Variants in PRDM5 observed in about 807,000 individuals in gnomAD.
The protein encoded by PRDM5 is PR domain zinc finger protein 5.
PRDM5 carries 56 observed loss-of-function variants against 81.2 expected under a neutral mutation model. That is an observed-to-expected ratio of 0.69 (90% CI 0.56 to 0.86). PRDM5 has a LOEUF of 0.86. Ranked by LOEUF, PRDM5 falls within the 40% of genes least tolerant of loss-of-function variation. The pLI is 0.00. For synonymous variants in PRDM5, 267 were observed against 256.4 expected, an observed-to-expected ratio of 1.04 and a Z score of -0.39; for missense variants, 697 against 770.1, an observed-to-expected ratio of 0.91 and a Z score of 1.12.
downstream of PRDM5, among the ~76,000 whole-genome samples, chr4:120,689,339 A>G (rs1003751074): frequency 3.9e-5 from 6 of 152,128 alleles, no homozygotes; most frequent in Middle Eastern, 3.2e-3. Flanking sequence ...ACAACATAAG[A>G]GATGGATTTT....
At chr4:120,829,349 TA>T (rs1756428382) in intron 3 of PRDM5, among the ~76,000 whole-genome samples, 5 of 152,042 alleles carry the variant, frequency 3.3e-5, no homozygotes, top group Admixed American at 3.3e-4. Flanking sequence ...ATCTAGGCAA[TA>T]AATCTAATTT....
intron 15 of PRDM5, among the ~76,000 whole-genome samples, chr4:120,705,877 C>A (rs2149013775): frequency 6.6e-6 from 1 of 152,236 alleles, no homozygotes; most frequent in Admixed American, 6.5e-5. Context: ...AACGTTCAGA[C>A]TCTGAACTTA....
At chr4:120,874,740 T>G (rs909354666) in intron 2 of PRDM5, among the ~76,000 whole-genome samples, 1 of 152,008 alleles carries the variant, frequency 6.6e-6, no homozygotes, top group South Asian at 2.1e-4. Context: ...GAAGAAGAAA[T>G]TGAGTTTCTT....
chr4:120,817,825 C>T (rs1266666856), intron 5 of PRDM5, among the ~76,000 whole-genome samples: 2 of 152,172 alleles, frequency 1.3e-5, no homozygotes, highest in African/African-American at 4.8e-5. Flanking sequence ...GTGGGATCAT[C>T]TAATTAATCA....
chr4:120,856,634 C>A (rs960652150), intron 2 of PRDM5, among the ~76,000 whole-genome samples: 1 of 152,166 alleles, frequency 6.6e-6, no homozygotes, highest in Non-Finnish European at 1.5e-5. Flanking sequence ...GTAATCTAAT[C>A]CATCATTCCT....
At chr4:120,877,800 G>A (rs573134644) in intron 2 of PRDM5, among the ~76,000 whole-genome samples, 5 of 152,214 alleles carry the variant, frequency 3.3e-5, no homozygotes, top group East Asian at 1.9e-4. Context: ...GCAAGACTCC[G>A]TCTCAAAAAT....
intron 9 of PRDM5, among the ~76,000 whole-genome samples, chr4:120,799,202 A>C (rs1180492857): frequency 6.6e-6 from 1 of 152,222 alleles, no homozygotes; most frequent in Admixed American, 6.5e-5. Context: ...AAATGTATTT[A>C]TAGATTTCTT....
chr4:120,862,795 T>C (rs139977803), intron 2 of PRDM5, among the ~76,000 whole-genome samples: 41 of 152,266 alleles, frequency 2.7e-4, no homozygotes, highest in African/African-American at 9.9e-4. Context: ...ATCTTGGGCA[T>C]TGAATGTTTA....
In PRDM5 at chr4:120,870,745, G is replaced by A. The variant is rs548800759; in HGVS notation, c.178-17205C>T. ...TGCAGTGGGTCAGACCTTGGGCTCC[G>A]TGTGACATTTGGTGGCAGTGTGGAG... On this transcript the variant is annotated intron_variant, in intron 2 of 15. Transcript: ENST00000264808. Among the ~76,000 whole-genome samples the A allele has an allele frequency of 3.3e-4, 51 of 152,312 alleles. 1 individual carries two copies. Among genetic ancestry groups the A allele is most frequent in the South Asian group, 8.3e-4 (4 of 4,820 alleles).
At chr4:120,804,042 G>T (rs1752533250) in intron 8 of PRDM5, among the ~76,000 whole-genome samples, 1 of 152,088 alleles carries the variant, frequency 6.6e-6, no homozygotes, top group Non-Finnish European at 1.5e-5. Flanking sequence ...AAAAGGCAGG[G>T]TTGCAATCCT....
At chr4:120,871,732 C>T (rs1459695269) in intron 2 of PRDM5, among the ~76,000 whole-genome samples, 3 of 150,034 alleles carry the variant, frequency 2.0e-5, no homozygotes, top group African/African-American at 4.9e-5. Flanking sequence ...AAAATATTAT[C>T]GATCCTTCAA....
At chr4:120,697,963 T>TAA (rs5861482) in intron 15 of PRDM5, among the ~76,000 whole-genome samples, 38 of 117,776 alleles carry the variant, frequency 3.2e-4, no homozygotes, top group African/African-American at 6.8e-4. Flanking sequence ...TAAAATAAAA[T>TAA]AAAAAAAAAG....
At chr4:120,838,122 G>A (rs886431464) in intron 3 of PRDM5, 2 of 152,156 alleles carry the variant, frequency 1.3e-5, no homozygotes, top group Non-Finnish European at 2.9e-5. Flanking sequence ...AAAGCTCCAT[G>A]TGAAAGGAAA....
intron 2 of PRDM5, among the ~76,000 whole-genome samples, chr4:120,888,941 G>C (rs965121691): frequency 4.4e-4 from 67 of 151,448 alleles, no homozygotes; most frequent in Non-Finnish European, 1.2e-4. Context: ...TTTTTAAATT[G>C]ATTTTTATAG....
intron 2 of PRDM5, among the ~76,000 whole-genome samples, chr4:120,893,597 T>C (rs962806744): frequency 2.1e-4 from 32 of 152,260 alleles, no homozygotes; most frequent in Middle Eastern, 3.2e-3. Flanking sequence ...TTAGGTCTTT[T>C]GTATTAATTG....
chr4:120,911,294 T>C (rs56339840), intron 1 of PRDM5, among the ~76,000 whole-genome samples: 12,742 of 152,194 alleles, frequency 0.084, 556 homozygotes, highest in East Asian at 0.15. Flanking sequence ...ATCACTGATT[T>C]TTTACACTGT....
chr4:120,720,159 G>T (rs925490592), intron 14 of PRDM5, among the ~76,000 whole-genome samples: 1 of 152,104 alleles, frequency 6.6e-6, no homozygotes, highest in Non-Finnish European at 1.5e-5. Context: ...ATATGATAGG[G>T]TATGTGTATA....
chr4:120,794,578 C>T (rs1297318423), intron 10 of PRDM5, among the ~76,000 whole-genome samples: 1 of 149,638 alleles, frequency 6.7e-6, no homozygotes. Flanking sequence ...CACACAAATA[C>T]ATGTATTATC....
At chr4:120,790,975 A>G (rs1188561813) in intron 10 of PRDM5, among the ~76,000 whole-genome samples, 3 of 152,132 alleles carry the variant, frequency 2.0e-5, no homozygotes, top group Non-Finnish European at 4.4e-5. Flanking sequence ...AAAAACACAC[A>G]TACAATTTTA....
Sources: gnomAD v4.1 joint callset for allele counts (sites outside exome capture counted in the v4.1 genomes callset) on GRCh38, gnomAD v4.1.1 for gene constraint, MANE v1.5 for transcripts, NCBI Gene and HGNC (gene_info 2026-07-23, HGNC 2026-07-21) for gene names.